Variants in NKAIN3 observed in about 807,000 individuals in gnomAD.
NKAIN3 encodes sodium/potassium transporting ATPase interacting 3.
In NKAIN3, 25 loss-of-function variants were observed where a neutral mutation model predicts 30.2. That is an observed-to-expected ratio of 0.83 (90% confidence interval 0.60 to 1.16). NKAIN3 has a LOEUF of 1.16. Ranked by LOEUF, NKAIN3 falls within the 50% of genes most tolerant of loss-of-function variation. NKAIN3 has a pLI of 0.00. For synonymous variants in NKAIN3, 91 were observed against 89.6 expected, an observed-to-expected ratio of 1.02 and a Z score of -0.09; for missense variants, 225 against 254.1, an observed-to-expected ratio of 0.89 and a Z score of 0.78.
intron 3 of NKAIN3, among the ~76,000 whole-genome samples, chr8:62,614,154 ATTC>A (rs1290698054): frequency 6.6e-6 from 1 of 152,068 alleles, no homozygotes; most frequent in African/African-American, 2.4e-5. Context: ...ATTTGTAGCC[ATTC>A]TTCTTGGGGA....
chr8:62,653,618 T>A (rs1812687573), intron 3 of NKAIN3, among the ~76,000 whole-genome samples: 1 of 152,130 alleles, frequency 6.6e-6, no homozygotes, highest in African/African-American at 2.4e-5. Context: ...AATATACAAG[T>A]GTCCTGAAAG....
rs1237465718 is a variant in NKAIN3 at position 62,990,436 on chromosome 8, A to T, written c.533-8795A>T. ...CCAGCAGTGCTCTTTGAGAATTTAC[A>T]TTGATTCCTAAAGATTGCCATTGCT... On this transcript the variant is annotated intron_variant, in intron 5 of 5. Coordinates refer to the NKAIN3 transcript ENST00000519049. 3 of 990,200 alleles carry T rather than the reference A, an allele frequency of 3.0e-6. No homozygotes were observed. The African/African-American group carries it at 5.1e-5, about 17-fold the overall frequency. The allele number at this position is 990,200 out of a possible 1,614,324, so 61.3% of individuals were successfully genotyped here. A position where few individuals can be genotyped will look rare whatever the true frequency, so the allele number is the denominator to read the frequency against.
rs187109337 is a variant in NKAIN3 at position 62,742,043 on chromosome 8, C to T, written c.274-4889C>T. On this transcript the variant is annotated intron_variant, in intron 3 of 6. Coordinates refer to ENST00000623646, the MANE Select transcript of NKAIN3 (RefSeq NM_001304533.3). ...GAAAAATAATTTTTTCTCTACCCTT[C>T]TGAGTTCTTAGCTGGGACTCTTTTT... is the stretch of plus-strand genomic sequence containing the variant. Among the ~76,000 whole-genome samples, 972 of 152,162 alleles carry T rather than the reference C, an allele frequency of 6.4e-3. 10 individuals are homozygous for T. Among genetic ancestry groups the T allele is most frequent in the African/African-American group, 0.022 (911 of 41,512 alleles).
chr8:62,759,597 T>G (rs982230038), intron 4 of NKAIN3, among the ~76,000 whole-genome samples: 5 of 152,032 alleles, frequency 3.3e-5, no homozygotes, highest in African/African-American at 1.2e-4. Flanking sequence ...AGACAGCAAT[T>G]TAAAGAAAAA....
chr8:62,668,067 C>T (rs1357627257), intron 3 of NKAIN3, among the ~76,000 whole-genome samples: 5 of 151,646 alleles, frequency 3.3e-5, no homozygotes, highest in South Asian at 2.1e-4. Flanking sequence ...GAACACCCTA[C>T]GTAAATCCAG....
chr8:62,675,786 G>C (rs1255633528), intron 3 of NKAIN3, among the ~76,000 whole-genome samples: 1 of 152,162 alleles, frequency 6.6e-6, no homozygotes, highest in Non-Finnish European at 1.5e-5. Context: ...TGTCATCTCA[G>C]GCTCATCAAA....
At chr8:62,833,795 G>A (rs1216494865) in intron 4 of NKAIN3, among the ~76,000 whole-genome samples, 5 of 151,802 alleles carry the variant, frequency 3.3e-5, no homozygotes, top group Admixed American at 3.3e-4. Context: ...AAAAAATTGA[G>A]GGGGAGGGAC....
intron 4 of NKAIN3, among the ~76,000 whole-genome samples, chr8:62,829,990 A>T (rs941775811): frequency 1.3e-5 from 2 of 152,196 alleles, no homozygotes; most frequent in African/African-American, 4.8e-5. Flanking sequence ...GAAATGAACA[A>T]ATTGAAGACA....
At chr8:62,878,253 A>G (rs1820860974) in intron 4 of NKAIN3, among the ~76,000 whole-genome samples, 1 of 152,104 alleles carries the variant, frequency 6.6e-6, no homozygotes, top group Admixed American at 6.6e-5. Flanking sequence ...TTTTCTGAAG[A>G]ATCTGACCTT....
chr8:62,823,894 A>T (rs773743623), intron 4 of NKAIN3, among the ~76,000 whole-genome samples: 1 of 152,172 alleles, frequency 6.6e-6, no homozygotes, highest in African/African-American at 2.4e-5. Context: ...ATTGGATTCC[A>T]TGAGAAACAA....
At chr8:62,719,757 T>C (rs926882610) in intron 3 of NKAIN3, among the ~76,000 whole-genome samples, 40 of 138,254 alleles carry the variant, frequency 2.9e-4, no homozygotes, top group African/African-American at 9.6e-4. Flanking sequence ...TTCTTTCTTT[T>C]TTTTTTTTTT....
At chr8:62,293,299 G>A (rs901341019) in intron 1 of NKAIN3, among the ~76,000 whole-genome samples, 1 of 152,194 alleles carries the variant, frequency 6.6e-6, no homozygotes, top group African/African-American at 2.4e-5. Context: ...TTCCTTTGGA[G>A]GAGAAGAGGC....
chr8:62,560,677 T>C (rs143759843), intron 1 of NKAIN3, among the ~76,000 whole-genome samples: 30 of 151,402 alleles, frequency 2.0e-4, no homozygotes, highest in African/African-American at 7.0e-4. Context: ...GTAGCTGAGA[T>C]TACAGGCACC....
At chr8:62,627,654 C>T (rs1486601662) in intron 3 of NKAIN3, among the ~76,000 whole-genome samples, 5 of 152,070 alleles carry the variant, frequency 3.3e-5, no homozygotes, top group Non-Finnish European at 7.4e-5. Context: ...TACAACTTAC[C>T]TTTCACAACC....
rs185593172 is a variant in NKAIN3 at position 62,763,971 on chromosome 8, G to A, written c.471+16842G>A. On this transcript the variant is annotated intron_variant, in intron 4 of 6. Transcript: ENST00000623646. ...ATGTCTCTGGTCAGAGGGGAGGTTC[G>A]GGCTGACATCTCTCTGGTTGGGGAG... is the stretch of plus-strand genomic sequence containing the variant. Among the ~76,000 whole-genome samples the A allele has an allele frequency of 5.9e-3, 903 of 152,274 alleles. 8 individuals are homozygous for A. The highest frequency in any genetic ancestry group is 0.02 in the African/African-American group (840 of 41,540).
chr8:62,520,845 A>G (rs1246998426), intron 1 of NKAIN3, among the ~76,000 whole-genome samples: 3 of 152,012 alleles, frequency 2.0e-5, no homozygotes, highest in African/African-American at 7.2e-5. Flanking sequence ...GCTAAGAAGA[A>G]ATAGAAGTAA....
rs1823803738 is a variant in NKAIN3, at chr8:62,970,228, G to A, written c.*4821G>A. On this transcript the variant is annotated 3_prime_UTR_variant, in exon 7 of 7. Transcript: ENST00000623646. The stretch of plus-strand genomic sequence containing the variant: ...CAGCAAAAGCCTGTCTCTAAAAAGA[G>A]AGAGAGATAAGTAGATATGTTTTAA... Among the ~76,000 whole-genome samples, 1 of 152,024 alleles carries A rather than the reference G, an allele frequency of 6.6e-6. No individual in the cohort carries two copies.
chr8:62,582,142 C>CCTTT lies in NKAIN3; in HGVS notation c.192+2469_192+2470insTCTT, dbSNP rs1260003249. ...TTTTTCCTTCCTTCCTTTCTTCCTTCCTTCCTTCTTCTTTCCCTTCCTCTC... is the reference window on the plus strand; with the variant it reads ...TTTTTCCTTCCTTCCTTTCTTCCTTCCTTTCTTCCTTCTTCTTTCCCTTCCTCTC... On this transcript the variant is annotated intron_variant, in intron 2 of 6. Coordinates refer to ENST00000623646, the MANE Select transcript of NKAIN3 (RefSeq NM_001304533.3). 4.9e-5 allele frequency among the ~76,000 whole-genome samples: 6 copies of CCTTT among 121,232 alleles called. No individual in the cohort carries two copies. In the South Asian group the frequency reaches 1.2e-3, roughly 24 times the overall value. The allele number at this position is 121,232 out of a possible 152,430, so 79.5% of individuals were successfully genotyped here.
chr8:62,730,964 C>A (rs919321832), intron 3 of NKAIN3, among the ~76,000 whole-genome samples: 1 of 152,112 alleles, frequency 6.6e-6, no homozygotes, highest in Non-Finnish European at 1.5e-5. Flanking sequence ...CAAATTATTA[C>A]AACTTTGGGC....
Sources: gnomAD v4.1 joint callset for allele counts (sites outside exome capture counted in the v4.1 genomes callset) on GRCh38, gnomAD v4.1.1 for gene constraint, MANE v1.5 for transcripts, NCBI Gene and HGNC (gene_info 2026-07-23, HGNC 2026-07-21) for gene names.